The following MFGE8 variants were observed in gnomAD, a reference collection of about 807,000 sequenced individuals.
MFGE8 encodes milk fat globule EGF and factor V/VIII domain containing.
In MFGE8, 34 loss-of-function variants were observed where a neutral mutation model predicts 42.6. The ratio of observed to expected loss-of-function variants is 0.80; its 90% CI spans 0.61 to 1.06. The LOEUF (loss-of-function observed/expected upper bound fraction) is 1.06, where lower values mean the gene tolerates loss of function less well. MFGE8 is among the 50% of genes least tolerant of loss of function. The pLI, the probability that MFGE8 is intolerant of heterozygous loss-of-function variation, is 0.00. For synonymous variants in MFGE8, 230 were observed against 214.8 expected, an observed-to-expected ratio of 1.07 and a Z score of -0.62; for missense variants, 510 against 516.9, an observed-to-expected ratio of 0.99 and a Z score of 0.13.
chr15:88,906,547 C>T lies in MFGE8; in HGVS notation c.540+79G>A, dbSNP rs757924442. The T allele has an allele frequency of 1.8e-5, 28 of 1,556,146 alleles. No individual in the cohort carries two copies. The Middle Eastern group carries it at 1.0e-3, about 57-fold the overall frequency. On this transcript the variant is annotated intron_variant, in intron 4 of 7. Coordinates refer to ENST00000268150, the MANE Select transcript of MFGE8 (RefSeq NM_005928.4). This position sits in a 1 kb window ranked among gnomAD's most constrained non-coding sequence, Gnocchi z 4.2. ...CCAATCACCTAGGGTTCTCTGGACT[C>T]GCTGGGGGTCCTCAGTCAATGCTAG... is the stretch of plus-strand genomic sequence containing the variant.
chr15:88,912,404 G>C, intron 1 of MFGE8: 1 of 985,154 alleles, frequency 1.0e-6, no homozygotes, highest in Non-Finnish European at 1.2e-6. Context: ...CAGGACATAG[G>C]GCTGGGGCTC....
At chr15:88,908,460 AG>A (rs1315903606) in intron 2 of MFGE8, among the ~76,000 whole-genome samples, 1 of 152,162 alleles carries the variant, frequency 6.6e-6, no homozygotes, top group African/African-American at 2.4e-5. Flanking sequence ...TTGGGCCCGC[AG>A]GGTCCTTGTT....
intron 2 of MFGE8, among the ~76,000 whole-genome samples, chr15:88,907,979 A>T (rs1898778041): frequency 6.6e-6 from 1 of 152,104 alleles, no homozygotes; most frequent in Non-Finnish European, 1.5e-5. Flanking sequence ...GTTTTCTAGA[A>T]TCCCACTGGC....
rs1233297621 is a variant in MFGE8 at position 88,905,326 on chromosome 15, G to A, written c.685+431C>T. 6 of 367,336 alleles carry A rather than the reference G, an allele frequency of 1.6e-5. No homozygotes were observed. The highest frequency in any genetic ancestry group is 8.5e-5 in the African/African-American group (4 of 46,968). 22.8% of individuals were successfully genotyped at this position (367,336 alleles called of 1,614,324 possible). On this transcript the variant is annotated intron_variant, in intron 5 of 7. Coordinates refer to ENST00000268150, the MANE Select transcript of MFGE8 (RefSeq NM_005928.4). The surrounding 1 kb of genome is among the most constrained non-coding windows in gnomAD (Gnocchi z 6.6). The stretch of plus-strand genomic sequence containing the variant: ...CCCCACGCCCCTCATTCATTCATTC[G>A]CTCATTCATCAAATATTTATTGAGT...
At position 88,905,975 on chromosome 15, in the gene MFGE8, C is replaced by T. The variant is rs1898658054; in HGVS notation, c.541-74G>A. On this transcript the variant is annotated intron_variant, in intron 4 of 7. Coordinates refer to ENST00000268150, the MANE Select transcript of MFGE8 (RefSeq NM_005928.4). The surrounding 1 kb of genome is among the most constrained non-coding windows in gnomAD (Gnocchi z 6.6). ...CCCCTCCCTGGGGTTACCTCATCTT[C>T]CTCTTCAGACCTGGGAGGCAGAGGT... 5 of 1,565,148 alleles carry T rather than the reference C, an allele frequency of 3.2e-6. No homozygotes were observed. In the Admixed American group the frequency reaches 8.4e-5, roughly 26 times the overall value.
chr15:88,911,036 C>T (rs1898932781), intron 1 of MFGE8: 2 of 152,272 alleles, frequency 1.3e-5, no homozygotes, highest in East Asian at 3.8e-4. Context: ...GCTGAGCTCT[C>T]CCAGGGTGGG....
rs553088811 is a variant in MFGE8, at chr15:88,899,575, C to T, written c.1027-43G>A. ...GTCAGGAGGACCCCGAGCCAGCCCCCCTCCCCTCAGAGCCCCAGGCCAGAC... is the reference window on the plus strand; with the variant it reads ...GTCAGGAGGACCCCGAGCCAGCCCCTCTCCCCTCAGAGCCCCAGGCCAGAC... On this transcript the variant is annotated intron_variant, in intron 7 of 7. Coordinates refer to ENST00000268150, the MANE Select transcript of MFGE8 (RefSeq NM_005928.4). The surrounding 1 kb of genome is among the most constrained non-coding windows in gnomAD (Gnocchi z 6.8). The T allele has an allele frequency of 1.5e-5, 24 of 1,614,124 alleles. No homozygotes were observed. In the South Asian group the frequency reaches 1.9e-4, roughly 13 times the overall value.
At chr15:88,909,665 GCCT>G in intron 2 of MFGE8, 124 bp downstream of exon 2, 3 of 1,383,678 alleles carry the variant, frequency 2.2e-6, no homozygotes, top group Non-Finnish European at 3.1e-6. Flanking sequence ...CCCAGAGGAG[GCCT>G]TGACACCTCC....
chr15:88,902,328 T>C lies in MFGE8; in HGVS notation c.686-593A>G, dbSNP rs1898474327. On this transcript the variant is annotated intron_variant, in intron 5 of 7. Transcript: ENST00000268150. This position sits in a 1 kb window ranked among gnomAD's most constrained non-coding sequence, Gnocchi z 4.3. ...GAAAACTGAAAGACATTAAGCATCA[T>C]GCTCAAGTCACATACAAACTCCTAA... is the stretch of plus-strand genomic sequence containing the variant. The C allele has an allele frequency of 6.4e-6, 1 of 157,358 alleles. No homozygotes were observed. The highest frequency in any genetic ancestry group is 6.0e-5 in the Admixed American group (1 of 16,566). The allele number at this position is 157,358 out of a possible 1,614,324, so 9.7% of individuals were successfully genotyped here. A position where few individuals can be genotyped will look rare whatever the true frequency, so the allele number is the denominator to read the frequency against.
rs767326127 is a variant in MFGE8 at position 88,899,427 on chromosome 15, T to C, written c.1132A>G (p.Ile378Val). 1 of 1,614,210 alleles carries C rather than the reference T, an allele frequency of 6.2e-7. No homozygotes were observed. Among genetic ancestry groups the C allele is most frequent in the Admixed American group, 1.7e-5 (1 of 60,030 alleles). ...CCCAGCAGCTCCAGGCGCAGGGCGATGCGGTTGTGCCAGGCTACAGGCAGG... is the reference window on the plus strand; with the variant it reads ...CCCAGCAGCTCCAGGCGCAGGGCGACGCGGTTGTGCCAGGCTACAGGCAGG... Reference protein sequence around the residue: ...RILPVAWHNRIALRLELLGC With the variant: ...RILPVAWHNRVALRLELLGC The change falls in exon 8 of 8, where the codon ATC (isoleucine) becomes GTC (valine). Residue 378 changes from isoleucine to valine, a missense_variant. By Grantham distance (29) the Ile-to-Val change is conservative (BLOSUM62 3). Coordinates refer to ENST00000268150, the MANE Select transcript of MFGE8 (RefSeq NM_005928.4). This position sits in a 1 kb window ranked among gnomAD's most constrained non-coding sequence, Gnocchi z 6.8.
intron 3 of MFGE8, among the ~76,000 whole-genome samples, 171 bp downstream of exon 3, chr15:88,907,024 T>C (rs976130450): frequency 2.0e-5 from 3 of 152,172 alleles, no homozygotes; most frequent in Non-Finnish European, 4.4e-5. Context: ...CTTGACCCCA[T>C]ACCAGGTTCC....
intron 3 of MFGE8, 65 bp downstream of exon 3, chr15:88,907,129 CA>C (rs747240792): frequency 5.2e-6 from 8 of 1,553,224 alleles, no homozygotes; most frequent in East Asian, 2.4e-5. Context: ...GGGTAACCCC[CA>C]AATGCAGAAA....
chr15:88,912,167 C>T (rs562582679), intron 1 of MFGE8: 3 of 1,289,854 alleles, frequency 2.3e-6, no homozygotes, highest in Admixed American at 2.3e-5. Context: ...CTGGAAAAGG[C>T]CACATCACCC....
rs138152398 is a variant in MFGE8, at chr15:88,898,700, A to C, written c.*695T>G. The C allele has an allele frequency of 1.3e-5, 2 of 153,182 alleles. No homozygotes were observed. Among genetic ancestry groups the C allele is most frequent in the African/African-American group, 4.8e-5 (2 of 41,526 alleles). 9.5% of individuals were successfully genotyped at this position (153,182 alleles called of 1,614,324 possible). Reference sequence around the variant, plus strand: ...ACCAAGAGTTCCCGTGAAGAAGATAAATATATTTTGGAAGCTGCCTGTGTC... The same window carrying C: ...ACCAAGAGTTCCCGTGAAGAAGATACATATATTTTGGAAGCTGCCTGTGTC... On this transcript the variant is annotated 3_prime_UTR_variant, in exon 8 of 8. Coordinates refer to ENST00000268150, the MANE Select transcript of MFGE8 (RefSeq NM_005928.4).
At chr15:88,900,782 C>T in intron 6 of MFGE8, 1 of 983,802 alleles carries the variant, frequency 1.0e-6, no homozygotes, top group South Asian at 4.7e-5. Flanking sequence ...CAGACAAGGG[C>T]TGTCACATGG....
intron 1 of MFGE8, among the ~76,000 whole-genome samples, chr15:88,911,379 T>A (rs778487338): frequency 6.6e-6 from 1 of 152,136 alleles, no homozygotes; most frequent in Non-Finnish European, 1.5e-5. Context: ...CCAGAAGGGC[T>A]GCCCCAGACC....
intron 2 of MFGE8, among the ~76,000 whole-genome samples, chr15:88,907,707 C>CCT (rs1025347901): frequency 5.0e-5 from 1 of 19,806 alleles, no homozygotes. Context: ...AAAGTAGAGT[C>CCT]CCCCCCGCCA....
At chr15:88,907,709 C>CCT (rs1223617558) in intron 2 of MFGE8, among the ~76,000 whole-genome samples, 2 of 150,940 alleles carry the variant, frequency 1.3e-5, no homozygotes, top group African/African-American at 4.9e-5. Context: ...AGTAGAGTCC[C>CCT]CCCCGCCAGG....
At position 88,905,374 on chromosome 15, in the gene MFGE8, T is replaced by C. The variant is rs1379545680; in HGVS notation, c.685+383A>G. On this transcript the variant is annotated intron_variant, in intron 5 of 7. Transcript: ENST00000268150. The surrounding 1 kb of genome is among the most constrained non-coding windows in gnomAD (Gnocchi z 6.6). ...AGTACCTATAAACCAGACACCATTC[T>C]AGGCCCTGGGAATACCGAAGCAAAC... 13 of 424,302 alleles carry C rather than the reference T, an allele frequency of 3.1e-5. No individual in the cohort carries two copies. The highest frequency in any genetic ancestry group is 5.5e-5 in the Non-Finnish European group (12 of 216,758). The allele number at this position is 424,302 out of a possible 1,614,324, so 26.3% of individuals were successfully genotyped here. A position where few individuals can be genotyped will look rare whatever the true frequency, so the allele number is the denominator to read the frequency against.
Sources: gnomAD v4.1 joint callset for allele counts (sites outside exome capture counted in the v4.1 genomes callset) on GRCh38, gnomAD v4.1.1 for gene constraint, Gnocchi (gnomAD v3.1) non-coding constraint, MANE v1.5 for transcripts, NCBI Gene and HGNC (gene_info 2026-07-23, HGNC 2026-07-21) for gene names.